Variants in ELAC1 observed in about 807,000 individuals in gnomAD.
The protein encoded by ELAC1 is elaC ribonuclease Z 1.
A neutral mutation model predicts 25.8 loss-of-function variants in ELAC1; 19 were observed. That is an observed-to-expected ratio of 0.74 (90% CI 0.51 to 1.08). The LOEUF is 1.08. Among genes scored for constraint, ELAC1 ranks in the 50% least tolerant of loss-of-function variants. The probability of loss-of-function intolerance (pLI) is 0.00; values close to 1 mark genes in which losing one functional copy is unlikely to be tolerated. For synonymous variants in ELAC1, 148 were observed against 160.9 expected (o/e 0.92, Z 0.61); for missense variants, 403 against 434.6 (o/e 0.93, Z 0.65).
chr18:50,969,256 T>C (rs1440536505), intron 1 of ELAC1: 1 of 152,274 alleles, frequency 6.6e-6, no homozygotes, highest in East Asian at 1.9e-4. Context: ...CTCTTTATTT[T>C]GTTCCCTGTA....
chr18:50,971,912 G>GTGTATATATA (rs1368489485), intron 1 of ELAC1, among the ~76,000 whole-genome samples: 2 of 76,534 alleles, frequency 2.6e-5, no homozygotes, highest in East Asian at 5.0e-4. Context: ...GTGTGTGTGT[G>GTGTATATATA]TATATATATA....
At chr18:50,977,560 C>T (rs1907825744) in intron 2 of ELAC1, among the ~76,000 whole-genome samples, 1 of 152,096 alleles carries the variant, frequency 6.6e-6, no homozygotes, top group Non-Finnish European at 1.5e-5. Context: ...GCCAGGAAAC[C>T]GTTTTTCCCT....
At chr18:50,972,083 ACT>A (rs1412297170) in intron 1 of ELAC1, among the ~76,000 whole-genome samples, 1 of 141,668 alleles carries the variant, frequency 7.1e-6, no homozygotes, top group East Asian at 2.0e-4. Context: ...TTGTCCTTTG[ACT>A]TTATGAGTCT....
chr18:50,978,494 G>A (rs1025210557), intron 2 of ELAC1, among the ~76,000 whole-genome samples: 8 of 152,158 alleles, frequency 5.3e-5, no homozygotes, highest in Admixed American at 1.3e-4. Context: ...ATCAGACCTC[G>A]TGAGACTTAT....
At chr18:50,974,096 T>G (rs1214355253) in intron 1 of ELAC1, among the ~76,000 whole-genome samples, 2 of 152,242 alleles carry the variant, frequency 1.3e-5, no homozygotes, top group African/African-American at 4.8e-5. Context: ...CGATTTTTAC[T>G]GTCTCCATAG....
At chr18:50,980,608 C>T (rs1379902454) in intron 2 of ELAC1, among the ~76,000 whole-genome samples, 1 of 151,390 alleles carries the variant, frequency 6.6e-6, no homozygotes, top group African/African-American at 2.4e-5. Flanking sequence ...ACTGAAAATA[C>T]AAAAATTAGC....
At chr18:50,972,873 C>A (rs976325916) in intron 1 of ELAC1, among the ~76,000 whole-genome samples, 26 of 152,292 alleles carry the variant, frequency 1.7e-4, no homozygotes, top group African/African-American at 6.3e-4. Context: ...ATTTTCTCAT[C>A]CCTTCTCAGA....
At chr18:50,971,029 T>C (rs1416495223) in intron 1 of ELAC1, among the ~76,000 whole-genome samples, 1 of 152,212 alleles carries the variant, frequency 6.6e-6, no homozygotes, top group Non-Finnish European at 1.5e-5. Context: ...AAATAGTTGA[T>C]AGACTAAATA....
chr18:50,968,547 A>G (rs894974592), intron 1 of ELAC1: 2 of 152,322 alleles, frequency 1.3e-5, no homozygotes, highest in Non-Finnish European at 2.9e-5. Flanking sequence ...AACCAGTAGA[A>G]TCGCTTGGGA....
chr18:50,982,702 G>C (rs1907985856), intron 2 of ELAC1, among the ~76,000 whole-genome samples: 1 of 152,226 alleles, frequency 6.6e-6, no homozygotes, highest in Admixed American at 6.5e-5. Flanking sequence ...TGTTGTGTTA[G>C]TTCAGACTGA....
chr18:50,986,897 A>G lies in ELAC1; in HGVS notation c.904A>G (p.Lys302Glu). 1 of 1,613,876 alleles carries G rather than the reference A, an allele frequency of 6.2e-7. No individual in the cohort carries two copies. Among genetic ancestry groups the G allele is most frequent in the Non-Finnish European group, 8.5e-7 (1 of 1,179,808 alleles). ...STPQMAATFA[K>E]LCRAKRLVLT... ...ACCACAGATGGCAGCAACATTTGCA[A>G]AGTTGTGCCGTGCAAAGAGGCTGGT... The change falls in exon 4 of 4, where the codon AAG (lysine) becomes GAG (glutamate). Residue 302 changes from lysine (K) to glutamate (E), a missense_variant. Transcript: ENST00000269466.
rs1054010231 is a variant in ELAC1, at chr18:50,986,498, A to G, written c.626-121A>G. On this transcript the variant is annotated intron_variant, in intron 3 of 3. Transcript: ENST00000269466. ...TAAATCCAGTTTTCCACAAGTAGTA[A>G]AACATTTATAACAATTATGGATGCC... The G allele has an allele frequency of 8.9e-6, 7 of 787,546 alleles. No homozygotes were observed. The Admixed American group carries it at 1.7e-4, about 19-fold the overall frequency. The allele number at this position is 787,546 out of a possible 1,614,324, so 48.8% of individuals were successfully genotyped here.
chr18:50,981,288 T>C (rs893133701), intron 2 of ELAC1, among the ~76,000 whole-genome samples: 3 of 152,202 alleles, frequency 2.0e-5, no homozygotes, highest in Non-Finnish European at 2.9e-5. Context: ...TCTCCCCTCA[T>C]AGGTGAATTT....
intron 1 of ELAC1, among the ~76,000 whole-genome samples, chr18:50,973,113 G>A (rs1389270515): frequency 6.6e-6 from 1 of 152,038 alleles, no homozygotes; most frequent in Non-Finnish European, 1.5e-5. Context: ...TTTTGTTTTT[G>A]CTCTTAGAAT....
intron 2 of ELAC1, 67 bp from the exon 3 acceptor site, chr18:50,984,029 A>G (rs908475295): frequency 8.7e-6 from 9 of 1,038,420 alleles, no homozygotes; most frequent in Middle Eastern, 2.1e-4. Flanking sequence ...GCTTGTTTCA[A>G]ATAGCTTTGT....
intron 2 of ELAC1, among the ~76,000 whole-genome samples, chr18:50,978,376 G>A (rs995255867): frequency 6.6e-6 from 1 of 152,102 alleles, no homozygotes; most frequent in Non-Finnish European, 1.5e-5. Flanking sequence ...TCGCAGTTCC[G>A]CAAGGCTGGG....
chr18:50,980,506 T>C (rs1257402368), intron 2 of ELAC1, among the ~76,000 whole-genome samples: 1 of 152,096 alleles, frequency 6.6e-6, no homozygotes, highest in African/African-American at 2.4e-5. Flanking sequence ...GGCTCATGCC[T>C]GTAATCCCAG....
chr18:50,975,785 A>G (rs891530273), intron 2 of ELAC1, among the ~76,000 whole-genome samples: 15 of 152,170 alleles, frequency 9.9e-5, no homozygotes, highest in Non-Finnish European at 1.8e-4. Flanking sequence ...GTAATCAATC[A>G]TGTAATGTGA....
intron 2 of ELAC1, among the ~76,000 whole-genome samples, chr18:50,977,241 C>T (rs1314582658): frequency 6.6e-6 from 1 of 152,200 alleles, no homozygotes. Flanking sequence ...TGTGGGGGCT[C>T]ACACCCCATA....
Sources: allele counts gnomAD v4.1 joint callset (sites outside exome capture counted in the v4.1 genomes callset), GRCh38; gene constraint gnomAD v4.1.1; transcripts MANE v1.5; gene names NCBI Gene and HGNC (gene_info 2026-07-23, HGNC 2026-07-21).